RSPO4: variants seen among roughly 807,000 people sequenced by gnomAD.
The protein encoded by RSPO4 is R-spondin 4.
RSPO4 carries 23 observed loss-of-function variants against 24.8 expected under a neutral mutation model. That is an observed-to-expected ratio of 0.93 (90% CI 0.67 to 1.31). The LOEUF is 1.31. Among genes scored for constraint, RSPO4 ranks in the 40% most tolerant of loss-of-function variants. The pLI is 0.00. For missense variants in RSPO4, 333 were observed against 316.5 expected, an observed-to-expected ratio of 1.05 and a Z score of -0.39; for synonymous variants, 141 against 127.4, an observed-to-expected ratio of 1.11 and a Z score of -0.72.
At chr20:960,526 C>A in intron 4 of RSPO4, 60 bp from the exon 5 acceptor site, 2 of 1,253,800 alleles carry the variant, frequency 1.6e-6, no homozygotes, top group South Asian at 1.3e-5. Context: ...GTCCTGGGAG[C>A]CTCCTCAGTC....
chr20:992,528 A>T (rs1223476676), intron 1 of RSPO4, among the ~76,000 whole-genome samples: 3 of 152,082 alleles, frequency 2.0e-5, no homozygotes, highest in Non-Finnish European at 2.9e-5. Context: ...GGAAGAGCCC[A>T]ACCTCTCCCC....
chr20:979,000 C>T (rs557024466), intron 1 of RSPO4, among the ~76,000 whole-genome samples: 1 of 152,258 alleles, frequency 6.6e-6, no homozygotes, highest in Admixed American at 6.5e-5. Context: ...TCCAAACCTG[C>T]TTCTCCTGTC....
intron 1 of RSPO4, among the ~76,000 whole-genome samples, chr20:993,136 C>T (rs1478287211): frequency 1.3e-5 from 2 of 151,732 alleles, no homozygotes; most frequent in Admixed American, 6.5e-5. Flanking sequence ...CCCCATGTGG[C>T]CTGGGTCCTC....
Position 1,002,052 on chromosome 20 carries a change from C to T in RSPO4, c.79+34G>A. Reference sequence around the variant, plus strand: ...CGGCCCCCGGTCTGCCCCGCAGCGCCTGCCCGGCCGCCCTGCCCAGCCACC... The same window carrying T: ...CGGCCCCCGGTCTGCCCCGCAGCGCTTGCCCGGCCGCCCTGCCCAGCCACC... On this transcript the variant is annotated intron_variant, in intron 1 of 4. Coordinates refer to ENST00000217260, the MANE Select transcript of RSPO4 (RefSeq NM_001029871.4). The surrounding 1 kb of genome is among the most constrained non-coding windows in gnomAD (Gnocchi z 4.6). 6.5e-7 allele frequency: 1 copy of T among 1,533,526 alleles called. No individual in the cohort carries two copies. Among genetic ancestry groups the T allele is most frequent in the Non-Finnish European group, 8.8e-7 (1 of 1,133,900 alleles). 95.0% of individuals were successfully genotyped at this position (1,533,526 alleles called of 1,614,324 possible).
intron 1 of RSPO4, among the ~76,000 whole-genome samples, chr20:983,274 CAGAGAG>C (rs1568923214): frequency 1.3e-3 from 202 of 152,340 alleles, no homozygotes; most frequent in African/African-American, 4.8e-3. Context: ...CAAGGGGTGG[CAGAGAG>C]TTGGGAATGC....
In RSPO4 at chr20:968,075, G is replaced by A; in HGVS notation, c.143C>T (p.Ser48Phe). The A allele has an allele frequency of 6.2e-7, 1 of 1,614,200 alleles. No individual in the cohort carries two copies. The highest frequency in any genetic ancestry group is 8.5e-7 in the Non-Finnish European group (1 of 1,180,032). The change falls in exon 2 of 5, where the codon TCC becomes TTC. Residue 48 changes from serine to phenylalanine, a missense_variant. Coordinates refer to ENST00000217260, the MANE Select transcript of RSPO4 (RefSeq NM_001029871.4). ...CAGGAAGAGCCTCTGCTGGCAGGTG[G>A]AACAGCCGTTCTCCTCTGAGCAGAT... ...CIICSEENGC[S>F]TCQQRLFLFI...
In RSPO4 at chr20:958,981, G is replaced by A. The variant is rs1163281174; in HGVS notation, c.*1376C>T. 6.6e-6 allele frequency: 1 copy of A among 152,354 alleles called. No homozygotes were observed. Among genetic ancestry groups the A allele is most frequent in the Non-Finnish European group, 1.5e-5 (1 of 68,140 alleles). The allele number at this position is 152,354 out of a possible 1,614,324, so 9.4% of individuals were successfully genotyped here. On this transcript the variant is annotated 3_prime_UTR_variant, in exon 5 of 5. Coordinates refer to ENST00000217260, the MANE Select transcript of RSPO4 (RefSeq NM_001029871.4). ...GCAGTGAGGACAGACTTGCTTCCAA[G>A]CTGGGTCTGACCTGGAGACTCCTCC...
At chr20:969,256 G>A (rs1173096109) in intron 1 of RSPO4, among the ~76,000 whole-genome samples, 1 of 152,244 alleles carries the variant, frequency 6.6e-6, no homozygotes, top group African/African-American at 2.4e-5. Flanking sequence ...GCTGCAGTGA[G>A]CTGTGTTTGT....
At chr20:987,370 G>T (rs993175888) in intron 1 of RSPO4, among the ~76,000 whole-genome samples, 3 of 152,126 alleles carry the variant, frequency 2.0e-5, no homozygotes, top group African/African-American at 7.2e-5. Flanking sequence ...AGTCCTGCTG[G>T]GCAGCAGCCT....
intron 1 of RSPO4, among the ~76,000 whole-genome samples, chr20:994,677 CT>C (rs1175890185): frequency 6.6e-6 from 1 of 151,484 alleles, no homozygotes; most frequent in Non-Finnish European, 1.5e-5. Context: ...ATGCCTCAGC[CT>C]CCTGAGTAGT....
chr20:973,320 A>G (rs1349324017), intron 1 of RSPO4, among the ~76,000 whole-genome samples: 1 of 152,240 alleles, frequency 6.6e-6, no homozygotes, highest in Non-Finnish European at 1.5e-5. Flanking sequence ...CTTAGAGGTC[A>G]CTCAGCACAA....
intron 1 of RSPO4, among the ~76,000 whole-genome samples, chr20:996,227 G>GTTCCATTCCATTCTGTTACCA (rs1985283052): frequency 6.6e-6 from 1 of 151,932 alleles, no homozygotes; most frequent in African/African-American, 2.4e-5. Context: ...GTTCTGTTCC[G>GTTCCATTCCATTCTGTTACCA]TTCCATTCCA....
At chr20:963,905 G>T in intron 4 of RSPO4, 30 bp downstream of exon 4, 13 of 1,609,402 alleles carry the variant, frequency 8.1e-6, no homozygotes, top group Non-Finnish European at 1.1e-5. Flanking sequence ...CTTTCCCACC[G>T]CAGCCTCGTG....
intron 1 of RSPO4, among the ~76,000 whole-genome samples, chr20:971,564 C>T (rs973642153): frequency 3.3e-5 from 5 of 152,178 alleles, no homozygotes; most frequent in African/African-American, 1.2e-4. Context: ...CTACAGTTAT[C>T]ATTGTGGGCA....
chr20:976,135 G>A (rs1401484991), intron 1 of RSPO4, among the ~76,000 whole-genome samples: 1 of 152,122 alleles, frequency 6.6e-6, no homozygotes. Context: ...ACCTCCACGT[G>A]ATTTGTTATG....
rs774771039 is a variant in RSPO4 at position 960,396 on chromosome 20, C to A, written c.666G>T (p.Arg222Ser). The A allele has an allele frequency of 1.3e-6, 2 of 1,538,902 alleles. No individual in the cohort carries two copies. The highest frequency in any genetic ancestry group is 1.7e-6 in the Non-Finnish European group (2 of 1,147,428). The change falls in exon 5 of 5, where the codon AGG becomes AGT. Residue 222 changes from arginine to serine, a missense_variant. Coordinates refer to ENST00000217260, the MANE Select transcript of RSPO4 (RefSeq NM_001029871.4). ...CGGGCTGGCGCGGCCTCACGTCCAGCCTGCGGTCCAGCTTCCTGTCCTTGC... is the reference window on the plus strand; with the variant it reads ...CGGGCTGGCGCGGCCTCACGTCCAGACTGCGGTCCAGCTTCCTGTCCTTGC... ...RPRKDRKLDR[R>S]LDVRPRQPGL...
intron 1 of RSPO4, among the ~76,000 whole-genome samples, chr20:988,328 G>A (rs937652048): frequency 2.0e-5 from 3 of 152,158 alleles, no homozygotes; most frequent in African/African-American, 7.2e-5. Context: ...GGTGCTGAGG[G>A]GAATGGACTG....
intron 2 of RSPO4, 50 bp downstream of exon 2, chr20:967,900 T>G: frequency 6.5e-7 from 1 of 1,543,252 alleles, no homozygotes; most frequent in Non-Finnish European, 9.0e-7. Flanking sequence ...TCTAAGCCCA[T>G]GGTGTCTAGG....
chr20:971,210 G>A (rs1009323635), intron 1 of RSPO4, among the ~76,000 whole-genome samples: 1 of 152,208 alleles, frequency 6.6e-6, no homozygotes, highest in Non-Finnish European at 1.5e-5. Context: ...CTCAAACTCT[G>A]GCGCACAACA....
Sources: allele counts gnomAD v4.1 joint callset (sites outside exome capture counted in the v4.1 genomes callset), GRCh38; gene constraint gnomAD v4.1.1; non-coding constraint Gnocchi (gnomAD v3.1); transcripts MANE v1.5; gene names NCBI Gene and HGNC (gene_info 2026-07-23, HGNC 2026-07-21).